ZNF222: variants seen among roughly 807,000 people sequenced by gnomAD.
The protein encoded by ZNF222 is zinc finger protein 222.
ZNF222 carries 8 observed loss-of-function variants against 11.6 expected under a neutral mutation model. The observed-to-expected ratio is 0.69, with a 90% CI of 0.41 to 1.25. ZNF222 has a LOEUF of 1.25. ZNF222 is among the 50% of genes most tolerant of loss of function. The probability of loss-of-function intolerance (pLI) is 0.01; values close to 1 mark genes in which losing one functional copy is unlikely to be tolerated. For synonymous variants in ZNF222, 171 were observed against 195.6 expected (o/e 0.87, Z 1.05); for missense variants, 483 against 576.1 (o/e 0.84, Z 1.65).
chr19:44,026,936 A>G, intron 1 of ZNF222, 87 bp from the exon 2 acceptor site: 1 of 1,574,652 alleles, frequency 6.4e-7, no homozygotes, highest in Admixed American at 1.8e-5. Flanking sequence ...AAACAACTTT[A>G]CACTTGTCCC....
At chr19:44,026,008 A>T (rs1312827171) in intron 1 of ZNF222, 4 of 1,604,724 alleles carry the variant, frequency 2.5e-6, no homozygotes, top group Non-Finnish European at 3.4e-6. Context: ...GGTGTTTCAC[A>T]GCTTTCTTTT....
Position 44,031,960 on chromosome 19 carries a change from C to T in ZNF222, c.406C>T (p.Gln136Ter). 6.2e-7 allele frequency: 1 copy of T among 1,614,188 alleles called. No individual in the cohort carries two copies. Among genetic ancestry groups the T allele is most frequent in the Non-Finnish European group, 8.5e-7 (1 of 1,180,024 alleles). Residue 136 changes from glutamine to a stop codon, truncating the protein, a stop_gained, in exon 4 of 4, where the codon CAA becomes TAA. Transcript: ENST00000391960. LOFTEE classifies it low-confidence loss of function (END_TRUNC). ...TTISNSQLFE[Q>*]DDNPSQIKAR... ...CATAAGTAACTCTCAGTTATTTGAA[C>T]AAGATGACAACCCCTCCCAGATTAA... is the stretch of plus-strand genomic sequence containing the variant.
At position 44,026,948 on chromosome 19, in the gene ZNF222, T is replaced by C. The variant is rs1159442241; in HGVS notation, c.43-75T>C. The C allele has an allele frequency of 4.4e-6, 7 of 1,594,954 alleles. No individual in the cohort carries two copies. The Admixed American group carries it at 1.0e-4, about 24-fold the overall frequency. Reference sequence around the variant, plus strand: ...CCAAAACAACTTTACACTTGTCCCTTGTGCCAGTGCAATGCTGCTGTCTCC... The same window carrying C: ...CCAAAACAACTTTACACTTGTCCCTCGTGCCAGTGCAATGCTGCTGTCTCC... On this transcript the variant is annotated intron_variant, in intron 1 of 3. Transcript: ENST00000391960.
At chr19:44,026,131 C>T in intron 1 of ZNF222, 1 of 1,589,034 alleles carries the variant, frequency 6.3e-7, no homozygotes, top group Non-Finnish European at 8.6e-7. Context: ...ATGCTTACCT[C>T]AACCGAGAGT....
chr19:44,032,931 C>T lies in ZNF222; in HGVS notation c.1377C>T (p.His459=). ...ACTGTAAAGACCAACAAAGAGACCA[C>T]AGTGGAGAAAACCCATCCAAATGTG... ...RSYCKDQQRD[H]SGENPSKCED... The change falls in exon 4 of 4, where the codon CAC becomes CAT. Residue 459 remains histidine, a synonymous_variant. Transcript: ENST00000391960. 2 of 1,611,244 alleles carry T rather than the reference C, an allele frequency of 1.2e-6. No individual in the cohort carries two copies. Among genetic ancestry groups the T allele is most frequent in the Non-Finnish European group, 1.7e-6 (2 of 1,179,388 alleles).
chr19:44,026,371 T>C (rs1230710672), intron 1 of ZNF222, among the ~76,000 whole-genome samples: 3 of 152,098 alleles, frequency 2.0e-5, no homozygotes, highest in African/African-American at 2.4e-5. Flanking sequence ...GCAATTCTCA[T>C]TGAGGCAGAG....
rs1199683744 is a variant in ZNF222, at chr19:44,025,986, C to CA, written c.42+512dup. The CA allele has an allele frequency of 1.3e-6, 2 of 1,583,076 alleles. No homozygotes were observed. The highest frequency in any genetic ancestry group is 1.9e-5 in the Admixed American group (1 of 52,716). ...AGCATTTAACTTTTATGGGGGACGG[C>CA]AAAACGGTCAGGGTGTTTCACAGCT... On this transcript the variant is annotated intron_variant, in intron 1 of 3. Transcript: ENST00000391960. This position sits in a 1 kb window ranked among gnomAD's most constrained non-coding sequence, Gnocchi z 4.6.
In ZNF222 at chr19:44,027,331, C is replaced by T. The variant is rs75926943; in HGVS notation, c.170-67C>T. 9.7e-4 allele frequency: 1,522 copies of T among 1,565,554 alleles called. 16 individuals are homozygous for T. The African/African-American group carries it at 0.018, about 19-fold the overall frequency. On this transcript the variant is annotated intron_variant, in intron 2 of 3. Transcript: ENST00000391960. ...TGGAAGTAATGGTACACTGCAATTA[C>T]GTTTGCACCAACATGATATTACCTT...
At position 44,027,086 on chromosome 19, in the gene ZNF222, C is replaced by G; in HGVS notation, c.106C>G (p.Pro36Ala). Residue 36 changes from proline to alanine, a missense_variant, in exon 2 of 4, where the codon CCT (proline) becomes GCT (alanine). By Grantham distance (27) the Pro-to-Ala change is conservative. Coordinates refer to ENST00000391960, the MANE Select transcript of ZNF222 (RefSeq NM_001129996.2). ...FTEEELGLLD[P>A]AQRKLYRDVM... Reference sequence around the variant, plus strand: ...TGAGGAGGAGCTGGGGCTGCTGGACCCTGCCCAGAGGAAGCTGTACCGAGA... The same window carrying G: ...TGAGGAGGAGCTGGGGCTGCTGGACGCTGCCCAGAGGAAGCTGTACCGAGA... The G allele has an allele frequency of 6.2e-7, 1 of 1,613,972 alleles. No individual in the cohort carries two copies. Among genetic ancestry groups the G allele is most frequent in the Admixed American group, 1.7e-5 (1 of 59,998 alleles).
At chr19:44,030,725 G>A (rs1388366253) in intron 3 of ZNF222, among the ~76,000 whole-genome samples, 1 of 152,164 alleles carries the variant, frequency 6.6e-6, no homozygotes, top group African/African-American at 2.4e-5. Context: ...CCTGAGTGCT[G>A]GGGTCCAGAG....
chr19:44,029,181 GT>G (rs142571594), intron 3 of ZNF222, among the ~76,000 whole-genome samples: 22,260 of 112,870 alleles, frequency 0.2, 1,456 homozygotes, highest in Middle Eastern at 0.31. Context: ...TTGTTGGTTT[GT>G]TTTGTTTTGT....
rs758244835 is a variant in ZNF222, at chr19:44,027,056, T to G, written c.76T>G (p.Phe26Val). ...AVTFKDVAVI[F>V]TEEELGLLDP... is the part of the protein sequence containing the mutation. ...GACCTTCAAGGATGTGGCTGTGATC[T>G]TCACTGAGGAGGAGCTGGGGCTGCT... The change falls in exon 2 of 4, where the codon TTC becomes GTC. Residue 26 changes from phenylalanine to valine, a missense_variant. Transcript: ENST00000391960. 3.1e-6 allele frequency: 5 copies of G among 1,613,982 alleles called. No homozygotes were observed. The East Asian group carries it at 1.1e-4, about 36-fold the overall frequency.
rs374780710 is a variant in ZNF222, at chr19:44,032,200, G to A, written c.646G>A (p.Asp216Asn). The A allele has an allele frequency of 1.1e-5, 17 of 1,614,248 alleles. No homozygotes were observed. The Admixed American group carries it at 1.2e-4, about 11-fold the overall frequency. The change falls in exon 4 of 4, where the codon GAT becomes AAT. Residue 216 changes from aspartate (D) to asparagine (N), a missense_variant. Physicochemically the swap from Asp to Asn is conservative, Grantham distance 23 (BLOSUM62 1). Coordinates refer to ENST00000391960, the MANE Select transcript of ZNF222 (RefSeq NM_001129996.2). ...CATGGGAGTGAAATGCTATAAGTGTGATGTGTGTGGTAAGGAATTTAGTCA... is the reference window on the plus strand; with the variant it reads ...CATGGGAGTGAAATGCTATAAGTGTAATGTGTGTGGTAAGGAATTTAGTCA... ...VHMGVKCYKCDVCGKEFSQSS... is the reference protein window; with the variant it reads ...VHMGVKCYKCNVCGKEFSQSS...
intron 2 of ZNF222, 52 bp from the exon 3 acceptor site, chr19:44,027,346 G>C: frequency 6.3e-7 from 1 of 1,578,824 alleles, no homozygotes. Flanking sequence ...GCACCAACAT[G>C]ATATTACCTT....
In ZNF222 at chr19:44,025,692, CGTTT is replaced by C. The variant is rs10530916; in HGVS notation, c.42+227_42+230del. Among the ~76,000 whole-genome samples, 29,261 of 151,894 alleles carry C rather than the reference CGTTT, an allele frequency of 0.19. 2,958 individuals carry two copies. The highest frequency in any genetic ancestry group is 0.26 in the Middle Eastern group (77 of 294). ...GTCCGTTTATCTTCCATTGCTGGTT[CGTTT>C]GTTTGTTTGTTTTGTAACGGGACTT... On this transcript the variant is annotated intron_variant, in intron 1 of 3. Transcript: ENST00000391960. This position sits in a 1 kb window ranked among gnomAD's most constrained non-coding sequence, Gnocchi z 4.6.
At position 44,025,620 on chromosome 19, in the gene ZNF222, C is replaced by T. The variant is rs1935312466; in HGVS notation, c.42+142C>T. 5.0e-6 allele frequency: 4 copies of T among 805,566 alleles called. No homozygotes were observed. The highest frequency in any genetic ancestry group is 7.7e-6 in the Non-Finnish European group (4 of 520,932). The allele number at this position is 805,566 out of a possible 1,614,324, so 49.9% of individuals were successfully genotyped here. A position where few individuals can be genotyped will look rare whatever the true frequency, so the allele number is the denominator to read the frequency against. On this transcript the variant is annotated intron_variant, in intron 1 of 3. Coordinates refer to ENST00000391960, the MANE Select transcript of ZNF222 (RefSeq NM_001129996.2). This position sits in a 1 kb window ranked among gnomAD's most constrained non-coding sequence, Gnocchi z 4.6. The stretch of plus-strand genomic sequence containing the variant: ...ACCTCGCTTAGTCCGCCTCCCTCCT[C>T]CCTACGTGTGCAGCCCCTTTCAGTG...
At chr19:44,026,192 T>C (rs143717275) in intron 1 of ZNF222, 4 of 1,162,270 alleles carry the variant, frequency 3.4e-6, no homozygotes, top group African/African-American at 3.1e-5. Context: ...TAAGCCTTAA[T>C]TGGTAACTTT....
rs1425490561 is a variant in ZNF222 at position 44,028,468 on chromosome 19, CCT to C, written c.262+981_262+982del. On this transcript the variant is annotated intron_variant, in intron 3 of 3. Coordinates refer to ENST00000391960, the MANE Select transcript of ZNF222 (RefSeq NM_001129996.2). ...ACTGTCCCCACAAAACTTACTGACCCCTCTTTTAGTTTATGCAGCTCTCTGCT... is the reference window on the plus strand; with the variant it reads ...ACTGTCCCCACAAAACTTACTGACCCCTTTTAGTTTATGCAGCTCTCTGCT... 6 of 382,578 alleles carry C rather than the reference CCT, an allele frequency of 1.6e-5. No homozygotes were observed. The East Asian group carries it at 1.9e-4, about 12-fold the overall frequency. 23.7% of individuals were successfully genotyped at this position (382,578 alleles called of 1,614,324 possible).
intron 1 of ZNF222, among the ~76,000 whole-genome samples, chr19:44,026,550 A>G (rs1199329044): frequency 2.4e-5 from 3 of 127,186 alleles, no homozygotes; most frequent in African/African-American, 8.5e-5. Context: ...CTCTATATAT[A>G]TATATATTTT....
Sources: allele counts gnomAD v4.1 joint callset (sites outside exome capture counted in the v4.1 genomes callset), GRCh38; gene constraint gnomAD v4.1.1; non-coding constraint Gnocchi (gnomAD v3.1); transcripts MANE v1.5; gene names NCBI Gene and HGNC (gene_info 2026-07-23, HGNC 2026-07-21).